GALNT13: variants seen among roughly 807,000 people sequenced by gnomAD.
The protein encoded by GALNT13 is polypeptide N-acetylgalactosaminyltransferase 13.
GALNT13 carries 28 observed loss-of-function variants against 64.2 expected under a neutral mutation model. That is an observed-to-expected ratio of 0.44 (90% CI 0.32 to 0.60). The LOEUF (loss-of-function observed/expected upper bound fraction) is 0.60, where lower values mean the gene tolerates loss of function less well. GALNT13 is among the 20% of genes least tolerant of loss of function. The probability of loss-of-function intolerance (pLI) is 0.05; values close to 1 mark genes in which losing one functional copy is unlikely to be tolerated. For missense variants in GALNT13, 577 were observed against 669.8 expected (o/e 0.86, Z 1.53); for synonymous variants, 214 against 224.6 (o/e 0.95, Z 0.42).
chr2:153,209,107 A>G, the GALNT13 span, among the ~76,000 whole-genome samples: 1 of 150,412 alleles, frequency 6.6e-6, no homozygotes, highest in Non-Finnish European at 1.5e-5. Flanking sequence ...CCTCCAGAGT[A>G]GCCGGGACTA....
At chr2:153,884,572 T>C (rs2105248467) in intron 1 of GALNT13, among the ~76,000 whole-genome samples, 1 of 151,716 alleles carries the variant, frequency 6.6e-6, no homozygotes, top group Non-Finnish European at 1.5e-5. Flanking sequence ...GATTTAGTCC[T>C]GATAAAGCCA....
intron 9 of GALNT13, among the ~76,000 whole-genome samples, chr2:154,317,461 A>G: frequency 6.6e-6 from 1 of 152,272 alleles, no homozygotes; most frequent in South Asian, 2.1e-4. Flanking sequence ...TGAGAATTGA[A>G]TAAGAAGCTG....
At chr2:153,939,600 G>T (rs967597417) in intron 2 of GALNT13, among the ~76,000 whole-genome samples, 8 of 152,270 alleles carry the variant, frequency 5.3e-5, no homozygotes, top group South Asian at 2.1e-4. Context: ...AAATAGTTCT[G>T]CTTTGTGGTA....
chr2:153,560,812 T>C, the GALNT13 span, among the ~76,000 whole-genome samples: 1 of 152,076 alleles, frequency 6.6e-6, no homozygotes. Flanking sequence ...ACTTATTCTT[T>C]TTTAAAAACT....
At chr2:153,933,214 T>A (rs749827817) in intron 2 of GALNT13, among the ~76,000 whole-genome samples, 1 of 152,184 alleles carries the variant, frequency 6.6e-6, no homozygotes, top group Non-Finnish European at 1.5e-5. Flanking sequence ...ATACTGTTGG[T>A]TGGGTGTTGA....
chr2:153,133,713 T>A, the GALNT13 span, among the ~76,000 whole-genome samples: 1 of 152,164 alleles, frequency 6.6e-6, no homozygotes, highest in Admixed American at 6.6e-5. Flanking sequence ...AACTTTCCAT[T>A]TGTCTATAAC....
chr2:154,001,442 T>A (rs1695900434), intron 3 of GALNT13, among the ~76,000 whole-genome samples: 1 of 151,866 alleles, frequency 6.6e-6, no homozygotes, highest in African/African-American at 2.4e-5. Flanking sequence ...TATAAGTTTT[T>A]GCTCTGTGGT....
the GALNT13 span, among the ~76,000 whole-genome samples, chr2:153,656,339 T>TGTGTGTGTGTGTGTGC: frequency 1.3e-3 from 190 of 141,568 alleles, 1 homozygote; most frequent in Admixed American, 7.9e-3. Context: ...TGTGTGTGTG[T>TGTGTGTGTGTGTGTGC]GCGCGCGCAC....
chr2:154,240,815 C>T (rs1689442633), intron 4 of GALNT13, among the ~76,000 whole-genome samples: 1 of 152,154 alleles, frequency 6.6e-6, no homozygotes, highest in South Asian at 2.1e-4. Context: ...AGAGTCACAT[C>T]ACACTTGGGC....
Position 154,097,147 on chromosome 2 carries a change from T to G in GALNT13, c.143-43190T>G, listed in dbSNP as rs186809407. 1.1e-4 allele frequency among the ~76,000 whole-genome samples: 17 copies of G among 152,178 alleles called. 1 individual carries two copies. In the East Asian group the frequency reaches 2.1e-3, roughly 19 times the overall value. ...ACATACAATTTTTCCTTTAAATTAA[T>G]GCTAAACTATTGTTTCAATGAAGTG... On this transcript the variant is annotated intron_variant, in intron 3 of 12. Coordinates refer to ENST00000392825, the MANE Select transcript of GALNT13 (RefSeq NM_052917.4).
At chr2:154,343,934 TTC>T (rs1436396367) in intron 9 of GALNT13, among the ~76,000 whole-genome samples, 1 of 152,066 alleles carries the variant, frequency 6.6e-6, no homozygotes, top group Non-Finnish European at 1.5e-5. Flanking sequence ...GGATATGTGA[TTC>T]TGTCACTTGT....
At chr2:153,698,619 T>G in the GALNT13 span, among the ~76,000 whole-genome samples, 2 of 152,214 alleles carry the variant, frequency 1.3e-5, no homozygotes, top group African/African-American at 2.4e-5. Context: ...ACAAAGAGAC[T>G]TAGACTCCCA....
chr2:153,125,065 T>G, the GALNT13 span, among the ~76,000 whole-genome samples: 1 of 152,188 alleles, frequency 6.6e-6, no homozygotes, highest in Non-Finnish European at 1.5e-5. Context: ...AGATAATCAA[T>G]GAATCATTAA....
At chr2:153,166,526 C>T in the GALNT13 span, among the ~76,000 whole-genome samples, 3 of 152,194 alleles carry the variant, frequency 2.0e-5, no homozygotes, top group African/African-American at 7.2e-5. Context: ...ACATGTGAGG[C>T]ACTCCTGGAT....
At chr2:153,534,634 G>A in the GALNT13 span, among the ~76,000 whole-genome samples, 6 of 151,096 alleles carry the variant, frequency 4.0e-5, no homozygotes, top group Non-Finnish European at 5.9e-5. Context: ...CCGTTTTATA[G>A]GATTTGGGTA....
the GALNT13 span, among the ~76,000 whole-genome samples, chr2:153,073,278 A>G: frequency 3.3e-5 from 5 of 152,098 alleles, no homozygotes; most frequent in Non-Finnish European, 7.4e-5. Flanking sequence ...TGCATCTAGC[A>G]GATTATTCTG....
the GALNT13 span, among the ~76,000 whole-genome samples, chr2:153,493,514 A>T: frequency 1.3e-5 from 2 of 152,028 alleles, no homozygotes; most frequent in African/African-American, 2.4e-5. Context: ...TTACTCAGAA[A>T]TTTTCACATG....
At chr2:154,325,767 T>G (rs1237521189) in intron 9 of GALNT13, among the ~76,000 whole-genome samples, 1 of 151,958 alleles carries the variant, frequency 6.6e-6, no homozygotes, top group Non-Finnish European at 1.5e-5. Context: ...TTTATTTAAT[T>G]ATATATAATC....
intron 3 of GALNT13, among the ~76,000 whole-genome samples, chr2:153,975,687 AG>A (rs1360271766): frequency 6.6e-6 from 1 of 152,088 alleles, no homozygotes; most frequent in East Asian, 1.9e-4. Flanking sequence ...TTCAATAGAG[AG>A]TTGTTGGCCA....
Sources: gnomAD v4.1 joint callset for allele counts (sites outside exome capture counted in the v4.1 genomes callset) on GRCh38, gnomAD v4.1.1 for gene constraint, MANE v1.5 for transcripts, NCBI Gene and HGNC (gene_info 2026-07-23, HGNC 2026-07-21) for gene names.